Variants in LTBP2 observed in about 807,000 individuals in gnomAD.
LTBP2 encodes the protein latent-transforming growth factor beta-binding protein 2.
Under a neutral mutation model 210.6 loss-of-function variants are expected in LTBP2, and 103 were observed. The observed-to-expected ratio is 0.49, with a 90% CI of 0.42 to 0.58. The LOEUF is 0.58. LTBP2 is among the 20% of genes least tolerant of loss of function. The pLI, the probability that LTBP2 is intolerant of heterozygous loss-of-function variation, is 0.00. For synonymous variants in LTBP2, 1,007 were observed against 1,015.0 expected (o/e 0.99, Z 0.15); for missense variants, 2,313 against 2,494.5 (o/e 0.93, Z 1.55).
chr14:74,522,037 C>T lies in LTBP2; in HGVS notation c.2662G>A (p.Asp888Asn), dbSNP rs757740990. ...CAGGGGTCCCTCAGACACTCGTTGT[C>T]ATCTGACCAGAAGAAGGCAGGGAGG... ...LHPSQAYCTD[D>N]NECLRDPCKG... Residue 888 changes from aspartate to asparagine, a missense_variant and splice_region_variant, in exon 17 of 36, where the codon GAC (aspartate) becomes AAC (asparagine). Around this residue, in one of 3 missense-constraint regions of LTBP2, gnomAD observed 1,867 missense variants for 1,976.9 expected, o/e 0.94. Transcript: ENST00000261978. 1.9e-6 allele frequency: 3 copies of T among 1,612,368 alleles called. No homozygotes were observed. The highest frequency in any genetic ancestry group is 2.2e-5 in the East Asian group (1 of 44,828).
chr14:74,534,796 G>A lies in LTBP2; in HGVS notation c.1864+1130C>T, dbSNP rs148260566. 4.6e-5 allele frequency among the ~76,000 whole-genome samples: 7 copies of A among 152,206 alleles called. No individual in the cohort carries two copies. In the East Asian group the frequency reaches 9.7e-4, roughly 21 times the overall value. On this transcript the variant is annotated intron_variant, in intron 9 of 35. Coordinates refer to ENST00000261978, the MANE Select transcript of LTBP2 (RefSeq NM_000428.3). ...GGTGCAGAGATGAGCAGGTCCCTTC[G>A]CAGACACAGAGACCACAGCCACATA...
At chr14:74,556,953 C>T (rs1201984522) in intron 3 of LTBP2, among the ~76,000 whole-genome samples, 2 of 152,144 alleles carry the variant, frequency 1.3e-5, no homozygotes, top group Non-Finnish European at 1.5e-5. Flanking sequence ...TAGGAAACAT[C>T]TTGAAAGGAT....
intron 3 of LTBP2, among the ~76,000 whole-genome samples, chr14:74,564,243 T>TTA (rs1566640867): frequency 2.7e-4 from 2 of 7,280 alleles, no homozygotes; most frequent in African/African-American, 3.7e-4. Context: ...TTATATATAT[T>TTA]TATATATATT....
intron 3 of LTBP2, among the ~76,000 whole-genome samples, chr14:74,576,464 G>A (rs564632058): frequency 5.3e-5 from 8 of 152,234 alleles, no homozygotes; most frequent in South Asian, 2.1e-4. Context: ...TATATGCTAC[G>A]TTAGAAAGTG....
intron 1 of LTBP2, among the ~76,000 whole-genome samples, chr14:74,610,863 C>G (rs1425052700): frequency 1.2e-4 from 18 of 152,252 alleles, no homozygotes; most frequent in Admixed American, 1.2e-3. Context: ...GACACGCTTC[C>G]CGCCCAAAGT....
chr14:74,530,735 A>G (rs2087339535), intron 10 of LTBP2, among the ~76,000 whole-genome samples: 1 of 152,148 alleles, frequency 6.6e-6, no homozygotes, highest in Non-Finnish European at 1.5e-5. Flanking sequence ...GGCTGGTTTT[A>G]AACTCCTGAA....
In LTBP2 at chr14:74,589,430, G is replaced by T. The variant is rs191876463; in HGVS notation, c.566-3312C>A. ...CTCAAGACCAGTCTATCAGCAGAGA[G>T]CATGGGAAATAACAGGTTTTAATAG... On this transcript the variant is annotated intron_variant, in intron 2 of 35. Coordinates refer to ENST00000261978, the MANE Select transcript of LTBP2 (RefSeq NM_000428.3). 2.0e-3 allele frequency among the ~76,000 whole-genome samples: 306 copies of T among 152,324 alleles called. 2 individuals are homozygous for T. Among genetic ancestry groups the T allele is most frequent in the African/African-American group, 6.8e-3 (281 of 41,576 alleles).
rs368275173 is a variant in LTBP2, at chr14:74,501,976, G to A, written c.5171-386C>T. 1.7e-4 allele frequency: 54 copies of A among 326,616 alleles called. 1 individual carries two copies. Among genetic ancestry groups the A allele is most frequent in the South Asian group, 6.6e-4 (22 of 33,548 alleles). The allele number at this position is 326,616 out of a possible 1,614,324, so 20.2% of individuals were successfully genotyped here. On this transcript the variant is annotated intron_variant, in intron 34 of 35. Transcript: ENST00000261978. ...AACCTTCACATCGTGTTTTTGGGAA[G>A]TGGGGAACAATTGGTAGCAGAGGGG...
chr14:74,514,573 G>A (rs1027574633), intron 18 of LTBP2, among the ~76,000 whole-genome samples: 1 of 152,184 alleles, frequency 6.6e-6, no homozygotes, highest in African/African-American at 2.4e-5. Context: ...GGGTAGGGAA[G>A]GCACTCAGGC....
rs747607780 is a variant in LTBP2 at position 74,528,581 on chromosome 14, C to G, written c.2270G>C (p.Gly757Ala). ...EELARPPREQGQRSSGALPGP... is the reference protein window; with the variant it reads ...EELARPPREQAQRSSGALPGP... ...GGGCAGTGCCCCGCTGCTCCTCTGC[C>G]CTTGCTCCCTTGGGGGCCTTGCCAG... Residue 757 changes from glycine to alanine, a missense_variant, in exon 12 of 36, where the codon GGG (glycine) becomes GCG (alanine). Physicochemically the swap from Gly to Ala is moderately conservative, Grantham distance 60. Coordinates refer to ENST00000261978, the MANE Select transcript of LTBP2 (RefSeq NM_000428.3). 1.9e-6 allele frequency: 3 copies of G among 1,613,388 alleles called. No homozygotes were observed. The African/African-American group carries it at 4.0e-5, about 22-fold the overall frequency.
At chr14:74,596,777 G>C (rs186068252) in intron 2 of LTBP2, among the ~76,000 whole-genome samples, 1 of 152,338 alleles carries the variant, frequency 6.6e-6, no homozygotes, top group Non-Finnish European at 1.5e-5. Context: ...TGGCTGGCTC[G>C]AGCAGTCAAG....
intron 8 of LTBP2, among the ~76,000 whole-genome samples, chr14:74,542,213 C>T (rs1249096491): frequency 6.6e-6 from 1 of 152,242 alleles, no homozygotes; most frequent in African/African-American, 2.4e-5. Flanking sequence ...TCTTCTGATT[C>T]CCTGGCCTTG....
intron 13 of LTBP2, among the ~76,000 whole-genome samples, chr14:74,526,574 G>A (rs2087276361): frequency 6.6e-6 from 1 of 152,256 alleles, no homozygotes; most frequent in African/African-American, 2.4e-5. Context: ...AGGTGGGGAT[G>A]TAACAGCAGA....
intron 3 of LTBP2, 142 bp downstream of exon 3, chr14:74,585,712 G>A: frequency 7.4e-7 from 1 of 1,353,112 alleles, no homozygotes; most frequent in Non-Finnish European, 1.0e-6. Context: ...CCATGCCAGG[G>A]AAAGCCAAGG....
chr14:74,592,955 AC>A (rs1366889105), intron 2 of LTBP2, among the ~76,000 whole-genome samples: 1 of 149,918 alleles, frequency 6.7e-6, no homozygotes, highest in South Asian at 2.1e-4. Flanking sequence ...TCTTTTCCAC[AC>A]CCCCCTGGCC....
rs2086872478 is a variant in LTBP2 at position 74,498,273 on chromosome 14, C to T, written c.*2611G>A. The T allele has an allele frequency of 5.4e-6, 1 of 184,360 alleles. No homozygotes were observed. Among genetic ancestry groups the T allele is most frequent in the African/African-American group, 2.3e-5 (1 of 42,572 alleles). The allele number at this position is 184,360 out of a possible 1,614,324, so 11.4% of individuals were successfully genotyped here. A position where few individuals can be genotyped will look rare whatever the true frequency, so the allele number is the denominator to read the frequency against. The stretch of plus-strand genomic sequence containing the variant: ...CAAAAGGAGATACAGTGAAAAGTCT[C>T]CCAATCCTGTACCTATCCACCCTGT... On this transcript the variant is annotated 3_prime_UTR_variant, in exon 36 of 36. Transcript: ENST00000261978.
chr14:74,524,024 G>C (rs1197148416), intron 15 of LTBP2, among the ~76,000 whole-genome samples: 2 of 152,102 alleles, frequency 1.3e-5, no homozygotes, highest in African/African-American at 4.8e-5. Flanking sequence ...AGAGGGGTGA[G>C]GTTACAGAAT....
chr14:74,508,692 G>T lies in LTBP2; in HGVS notation c.3564C>A (p.Pro1188=), dbSNP rs763158848. ...CGTGGCTGTTGAGGCACTCGCCGTG[G>T]GGTGCGCAGTGCTCCTCCCCCATGC... ...NECMGEEHCA[P]HGECLNSHGS... The change falls in exon 24 of 36, where the codon CCC becomes CCA. Residue 1188 remains proline (P), a synonymous_variant. Coordinates refer to ENST00000261978, the MANE Select transcript of LTBP2 (RefSeq NM_000428.3). The T allele has an allele frequency of 6.2e-7, 1 of 1,613,736 alleles. No individual in the cohort carries two copies. Among genetic ancestry groups the T allele is most frequent in the Non-Finnish European group, 8.5e-7 (1 of 1,179,978 alleles).
At chr14:74,518,351 C>T (rs1394573625) in intron 17 of LTBP2, among the ~76,000 whole-genome samples, 1 of 152,186 alleles carries the variant, frequency 6.6e-6, no homozygotes, top group Non-Finnish European at 1.5e-5. Flanking sequence ...CGTGTGAGAT[C>T]TTGCATGACC....
Sources: allele counts gnomAD v4.1 joint callset (sites outside exome capture counted in the v4.1 genomes callset), GRCh38; gene constraint gnomAD v4.1.1; regional missense constraint gnomAD v4.1.1; transcripts MANE v1.5; gene names NCBI Gene and HGNC (gene_info 2026-07-23, HGNC 2026-07-21).